CD99: variants seen among roughly 807,000 people sequenced by gnomAD.
CD99 encodes CD99 molecule (Xg blood group).
In CD99, 19 loss-of-function variants were observed where a neutral mutation model predicts 28.4. The observed-to-expected ratio is 0.67, with a 90% CI of 0.47 to 0.98. The LOEUF (loss-of-function observed/expected upper bound fraction) is 0.98, where lower values mean the gene tolerates loss of function less well. CD99 is among the 50% of genes least tolerant of loss of function. The pLI is 0.00. For missense variants in CD99, 283 were observed against 248.8 expected (o/e 1.14, Z -0.92); for synonymous variants, 103 against 92.1 (o/e 1.12, Z -0.67).
At chrX:2,724,614 C>T (rs778428067) in intron 7 of CD99, among the ~76,000 whole-genome samples, 3 of 152,062 alleles carry the variant, frequency 2.0e-5, no homozygotes, top group East Asian at 3.9e-4. Context: ...ACAAAAAATA[C>T]AAAAATTAGG....
intron 8 of CD99, among the ~76,000 whole-genome samples, chrX:2,728,593 C>A (rs547558383): frequency 6.6e-6 from 1 of 152,078 alleles, no homozygotes; most frequent in Non-Finnish European, 1.5e-5. Flanking sequence ...ATTAGAATCA[C>A]GTTGGAAAAA....
chrX:2,704,904 G>A (rs150411741), intron 1 of CD99, among the ~76,000 whole-genome samples: 2,780 of 152,166 alleles, frequency 0.018, 97 homozygotes, highest in African/African-American at 0.064. Context: ...TTGTAGAGAC[G>A]GGGTTTCATC....
intron 1 of CD99, among the ~76,000 whole-genome samples, chrX:2,705,016 C>T (rs2048051659): frequency 6.6e-6 from 1 of 152,166 alleles, no homozygotes; most frequent in Non-Finnish European, 1.5e-5. Context: ...TACCCGGCCA[C>T]CTATGTATAA....
At chrX:2,699,127 C>CCTCTTCTTTTCTTTTCTTTT (rs1198644471) in intron 1 of CD99, among the ~76,000 whole-genome samples, 1 of 148,818 alleles carries the variant, frequency 6.7e-6, no homozygotes, top group East Asian at 1.9e-4. Flanking sequence ...TCTTTTCTTT[C>CCTCTTCTTTTCTTTTCTTTT]CTCTTCTTTT....
intron 2 of CD99, 60 bp downstream of exon 2, chrX:2,714,514 C>G (rs1219689688): frequency 2.2e-6 from 3 of 1,351,202 alleles, no homozygotes; most frequent in Non-Finnish European, 3.2e-6. Flanking sequence ...ATAGTATATA[C>G]AGGCATATCC....
chrX:2,717,047 C>T (rs1054706120), intron 2 of CD99, among the ~76,000 whole-genome samples: 39 of 152,070 alleles, frequency 2.6e-4, no homozygotes, highest in Non-Finnish European at 5.1e-4. Context: ...TCCCATTCAA[C>T]GTCAAGAAGT....
chrX:2,720,558 C>T, intron 5 of CD99, 134 bp downstream of exon 5: 1 of 566,418 alleles, frequency 1.8e-6, no homozygotes, highest in Non-Finnish European at 3.2e-6. Context: ...TGCCCATGTT[C>T]ATGTAATGGA....
intron 8 of CD99, among the ~76,000 whole-genome samples, chrX:2,736,054 T>C (rs781039009): frequency 1.3e-5 from 2 of 151,772 alleles, no homozygotes; most frequent in South Asian, 4.2e-4. Context: ...TACAAAAAAT[T>C]AGCTGGGCAT....
chrX:2,707,344 GAAAAGA>G (rs1569431112), intron 1 of CD99, among the ~76,000 whole-genome samples: 1 of 149,572 alleles, frequency 6.7e-6, no homozygotes, highest in East Asian at 1.9e-4. Flanking sequence ...GAAAAGAAAA[GAAAAGA>G]AAAAAACAGC....
chrX:2,725,844 C>G (rs950698465), intron 7 of CD99, among the ~76,000 whole-genome samples: 1 of 152,160 alleles, frequency 6.6e-6, no homozygotes, highest in African/African-American at 2.4e-5. Flanking sequence ...AACTCCTGAC[C>G]TCAGGCGATT....
intron 8 of CD99, among the ~76,000 whole-genome samples, chrX:2,729,645 A>G (rs1337885740): frequency 6.6e-6 from 1 of 152,150 alleles, no homozygotes; most frequent in African/African-American, 2.4e-5. Flanking sequence ...TTGGGAAAGC[A>G]CCCAGGAGGC....
intron 1 of CD99, among the ~76,000 whole-genome samples, chrX:2,701,334 T>C (rs1180075570): frequency 6.6e-6 from 1 of 152,200 alleles, no homozygotes; most frequent in Non-Finnish European, 1.5e-5. Context: ...CAGCATAGGT[T>C]GAAGTTAAAT....
At position 2,703,605 on chromosome X, in the gene CD99, AGTGTGTGTGTGTGTGTGTGT is replaced by A. The variant is rs556444956; in HGVS notation, c.68-10790_68-10771del. Among the ~76,000 whole-genome samples the A allele has an allele frequency of 4.0e-3, 559 of 138,490 alleles. 2 individuals carry two copies. Among genetic ancestry groups the A allele is most frequent in the Non-Finnish European group, 6.3e-3 (399 of 63,424 alleles). 90.9% of individuals were successfully genotyped at this position (138,490 alleles called of 152,430 possible). The stretch of plus-strand genomic sequence containing the variant: ...CTGTAATTAACAAACCGAGCTGTTA[AGTGTGTGTGTGTGTGTGTGT>A]GTGTGTGTGTGTGTGTGTGTGTGTG... On this transcript the variant is annotated intron_variant, in intron 1 of 9. Transcript: ENST00000381192.
At chrX:2,703,499 T>C (rs1278646800) in intron 1 of CD99, among the ~76,000 whole-genome samples, 1 of 152,144 alleles carries the variant, frequency 6.6e-6, no homozygotes, top group African/African-American at 2.4e-5. Flanking sequence ...GTCCTGTATT[T>C]ACGTGGGAGC....
At chrX:2,713,970 AT>A (rs958234576) in intron 1 of CD99, among the ~76,000 whole-genome samples, 1 of 151,318 alleles carries the variant, frequency 6.6e-6, no homozygotes, top group Admixed American at 6.6e-5. Flanking sequence ...ATTCCATGAG[AT>A]TTTTTTTTAA....
intron 7 of CD99, among the ~76,000 whole-genome samples, chrX:2,723,705 A>G (rs2049122060): frequency 6.6e-6 from 1 of 152,168 alleles, no homozygotes; most frequent in South Asian, 2.1e-4. Context: ...GTGACGCAGT[A>G]TCCTCGGTTG....
chrX:2,732,309 G>T (rs2049660467), intron 8 of CD99, among the ~76,000 whole-genome samples: 1 of 152,132 alleles, frequency 6.6e-6, no homozygotes, highest in Admixed American at 6.5e-5. Context: ...CAGCTTCCGT[G>T]GCTGGCAAGG....
intron 8 of CD99, among the ~76,000 whole-genome samples, chrX:2,727,644 T>G (rs2049363435): frequency 6.6e-6 from 1 of 151,966 alleles, no homozygotes; most frequent in Non-Finnish European, 1.5e-5. Context: ...GCCCGGCTAA[T>G]TTCTGTATTT....
At chrX:2,732,810 T>TCC (rs2049721160) in intron 8 of CD99, among the ~76,000 whole-genome samples, 2 of 134,564 alleles carry the variant, frequency 1.5e-5, no homozygotes, top group African/African-American at 7.4e-5. Context: ...TCCTTTCTTT[T>TCC]TTTCCTCTCT....
Sources: allele counts gnomAD v4.1 joint callset (sites outside exome capture counted in the v4.1 genomes callset), GRCh38; gene constraint gnomAD v4.1.1; transcripts MANE v1.5; gene names NCBI Gene and HGNC (gene_info 2026-07-23, HGNC 2026-07-21).